Variants in TUT4 observed in about 807,000 individuals in gnomAD.
TUT4 encodes the protein terminal uridylyl transferase 4.
A neutral mutation model predicts 192.2 loss-of-function variants in TUT4; 36 were observed. The ratio of observed to expected loss-of-function variants is 0.19; its 90% CI spans 0.14 to 0.25. The LOEUF (loss-of-function observed/expected upper bound fraction) is 0.25, where lower values mean the gene tolerates loss of function less well. Ranked by LOEUF, TUT4 falls within the 10% of genes least tolerant of loss-of-function variation. The pLI is 1.00. For missense variants in TUT4, 1,493 were observed against 1,957.2 expected (o/e 0.76, Z 4.47); for synonymous variants, 618 against 666.0 (o/e 0.93, Z 1.11).
intron 16 of TUT4, chr1:52,463,722 CCAAT>C (rs1231248928): frequency 4.6e-6 from 6 of 1,304,108 alleles, no homozygotes; most frequent in East Asian, 1.1e-4. Flanking sequence ...TCTTCCCTGT[CCAAT>C]CAGTCTTTTT....
chr1:52,466,161 C>CA (rs1377716699), intron 15 of TUT4, among the ~76,000 whole-genome samples: 5 of 151,386 alleles, frequency 3.3e-5, no homozygotes, highest in African/African-American at 7.3e-5. Context: ...AGCTGAGAGG[C>CA]AAAAAAGAAG....
At chr1:52,527,005 C>G (rs540235004) in intron 1 of TUT4, among the ~76,000 whole-genome samples, 1 of 152,040 alleles carries the variant, frequency 6.6e-6, no homozygotes, top group Non-Finnish European at 1.5e-5. Flanking sequence ...GCCTGGGCAA[C>G]AAGAAGGAAC....
chr1:52,429,361 TTAAGA>T (rs1325497873), intron 28 of TUT4, among the ~76,000 whole-genome samples: 1 of 151,584 alleles, frequency 6.6e-6, no homozygotes. Flanking sequence ...CTAATAGTTC[TTAAGA>T]TAAAAATAAT....
rs1308958578 is a variant in TUT4 at position 52,472,023 on chromosome 1, T to C, written c.2807A>G (p.Asp936Gly). 1 of 1,613,942 alleles carries C rather than the reference T, an allele frequency of 6.2e-7. No homozygotes were observed. Among genetic ancestry groups the C allele is most frequent in the African/African-American group, 1.3e-5 (1 of 75,040 alleles). The change falls in exon 14 of 30, where the codon GAT (aspartate) becomes GGT (glycine). Residue 936 changes from aspartate to glycine, a missense_variant. Around this residue, in one of 7 missense-constraint regions of TUT4, gnomAD observed 59 missense variants for 114.3 expected, o/e 0.52. Coordinates refer to ENST00000257177, the MANE Select transcript of TUT4 (RefSeq NM_001009881.3). The stretch of plus-strand genomic sequence containing the variant: ...TGTCATTGGTGGTAGAGGTTTTAAA[T>C]CAATTTTCCTAAAATCCTCTGGGCA... ...NDCPEDFRKI[D>G]LKPLPPMTNR...
intron 2 of TUT4, 55 bp downstream of exon 2, chr1:52,525,508 C>T (rs564935606): frequency 1.6e-5 from 25 of 1,532,780 alleles, no homozygotes; most frequent in East Asian, 4.6e-5. Context: ...ATGGTTAAAC[C>T]GGGGATAATC....
intron 1 of TUT4, among the ~76,000 whole-genome samples, chr1:52,539,677 T>C (rs1272599945): frequency 4.6e-5 from 7 of 151,938 alleles, no homozygotes; most frequent in Non-Finnish European, 1.0e-4. Context: ...GAAATGCTCA[T>C]GACCTCAGAG....
At chr1:52,471,024 T>C (rs1665617127) in intron 14 of TUT4, among the ~76,000 whole-genome samples, 1 of 147,426 alleles carries the variant, frequency 6.8e-6, no homozygotes, top group East Asian at 2.0e-4. Context: ...TTTTTTTTTT[T>C]TTTTTTTTTT....
At chr1:52,523,952 C>T (rs1013381327) in intron 2 of TUT4, among the ~76,000 whole-genome samples, 2 of 151,892 alleles carry the variant, frequency 1.3e-5, no homozygotes, top group Non-Finnish European at 2.9e-5. Flanking sequence ...ATCAAGATAA[C>T]GCTGTATTTT....
chr1:52,529,178 G>A (rs1370404894), intron 1 of TUT4, among the ~76,000 whole-genome samples: 1 of 151,638 alleles, frequency 6.6e-6, no homozygotes, highest in Non-Finnish European at 1.5e-5. Flanking sequence ...GTCTAGCAAA[G>A]TATATTTAAA....
intron 28 of TUT4, among the ~76,000 whole-genome samples, chr1:52,430,473 G>C (rs1193364120): frequency 1.3e-5 from 2 of 151,974 alleles, no homozygotes; most frequent in Non-Finnish European, 2.9e-5. Flanking sequence ...AGTAGAGATG[G>C]GGTTTCACCA....
At chr1:52,441,280 G>A (rs924694779) in intron 24 of TUT4, among the ~76,000 whole-genome samples, 31 of 148,164 alleles carry the variant, frequency 2.1e-4, no homozygotes, top group Admixed American at 4.7e-4. Flanking sequence ...CAGGGCATAT[G>A]GCTTTTTTTT....
intron 19 of TUT4, among the ~76,000 whole-genome samples, chr1:52,459,652 G>A (rs894089701): frequency 2.6e-5 from 4 of 152,092 alleles, no homozygotes; most frequent in African/African-American, 9.7e-5. Flanking sequence ...TTGGGAGGCC[G>A]AGGCGGGCGG....
chr1:52,525,444 AC>A (rs1214246857), intron 2 of TUT4, 118 bp downstream of exon 2: 2 of 1,300,838 alleles, frequency 1.5e-6, no homozygotes, highest in African/African-American at 3.0e-5. Context: ...ATGTTTTCAT[AC>A]GGGAACAAAA....
chr1:52,464,450 T>G (rs1426155331), intron 16 of TUT4, among the ~76,000 whole-genome samples: 1 of 152,062 alleles, frequency 6.6e-6, no homozygotes, highest in Non-Finnish European at 1.5e-5. Context: ...GAGACGGGGT[T>G]TCACCATGTT....
At chr1:52,533,254 T>C (rs958838894) in intron 1 of TUT4, among the ~76,000 whole-genome samples, 7 of 152,234 alleles carry the variant, frequency 4.6e-5, no homozygotes, top group African/African-American at 1.7e-4. Flanking sequence ...TAAAACTCTT[T>C]GTTTTTTAAG....
intron 2 of TUT4, among the ~76,000 whole-genome samples, chr1:52,519,756 G>A (rs1571223958): frequency 6.6e-6 from 1 of 152,236 alleles, no homozygotes; most frequent in East Asian, 1.9e-4. Context: ...TGATCCACTC[G>A]CCTCTGCCTC....
At chr1:52,440,435 T>G (rs991198372) in intron 24 of TUT4, among the ~76,000 whole-genome samples, 4 of 133,990 alleles carry the variant, frequency 3.0e-5, no homozygotes, top group South Asian at 5.0e-4. Flanking sequence ...CATCCTGTGT[T>G]TTTTTTTTTT....
intron 8 of TUT4, among the ~76,000 whole-genome samples, chr1:52,489,277 T>C (rs1570877085): frequency 6.6e-6 from 1 of 152,312 alleles, no homozygotes; most frequent in East Asian, 1.9e-4. Context: ...CAGAAATAAA[T>C]TTCAACCAAA....
intron 25 of TUT4, 21 bp downstream of exon 25, chr1:52,438,199 G>GAT: frequency 6.4e-7 from 1 of 1,570,890 alleles, no homozygotes; most frequent in Non-Finnish European, 8.7e-7. Context: ...TCAAAATGTT[G>GAT]ATATATATTC....
Sources: allele counts gnomAD v4.1 joint callset (sites outside exome capture counted in the v4.1 genomes callset), GRCh38; gene constraint gnomAD v4.1.1; regional missense constraint gnomAD v4.1.1; transcripts MANE v1.5; gene names NCBI Gene and HGNC (gene_info 2026-07-23, HGNC 2026-07-21).